GNAQ: variants seen among roughly 807,000 people sequenced by gnomAD.
GNAQ encodes the protein guanine nucleotide-binding protein G(q) subunit alpha.
In GNAQ, 8 loss-of-function variants were observed where a neutral mutation model predicts 43.9. The ratio of observed to expected loss-of-function variants is 0.18; its 90% CI spans 0.11 to 0.33. The LOEUF (loss-of-function observed/expected upper bound fraction) is 0.33. GNAQ is among the 10% of genes least tolerant of loss of function. The pLI is 1.00. For synonymous variants in GNAQ, 155 were observed against 170.7 expected (o/e 0.91, Z 0.71); for missense variants, 158 against 450.8 (o/e 0.35, Z 5.88).
At chr9:77,965,324 G>A (rs1180123361) in intron 1 of GNAQ, among the ~76,000 whole-genome samples, 2 of 151,724 alleles carry the variant, frequency 1.3e-5, no homozygotes, top group Non-Finnish European at 2.9e-5. Flanking sequence ...AATTAACTAC[G>A]ACCACCAGCC....
intron 5 of GNAQ, among the ~76,000 whole-genome samples, chr9:77,781,463 C>T (rs1270152818): frequency 2.0e-5 from 3 of 152,058 alleles, no homozygotes; most frequent in Non-Finnish European, 1.5e-5. Flanking sequence ...CAATTATCTA[C>T]AATTCCTTTA....
chr9:77,953,214 C>T (rs1010780804), intron 1 of GNAQ, among the ~76,000 whole-genome samples: 5 of 152,114 alleles, frequency 3.3e-5, no homozygotes, highest in African/African-American at 4.8e-5. Flanking sequence ...CTGAAAGGTG[C>T]CCTCAGCATA....
intron 2 of GNAQ, among the ~76,000 whole-genome samples, chr9:77,844,343 C>T (rs7025534): frequency 0.022 from 3,392 of 152,296 alleles, 124 homozygotes; most frequent in African/African-American, 0.077. Context: ...ACCCCATCCA[C>T]TCTGGGCCAT....
chr9:77,755,355 T>A lies in GNAQ; in HGVS notation c.736-26688A>T, dbSNP rs574074572. On this transcript the variant is annotated intron_variant, in intron 5 of 6. Transcript: ENST00000286548. ...GTTAAGTTTATTGTACATTTTAAGA[T>A]AACTAAAGGTATAATTGGAATCTTT... Among the ~76,000 whole-genome samples the A allele has an allele frequency of 4.3e-4, 66 of 152,312 alleles. 1 individual carries two copies. The highest frequency in any genetic ancestry group is 1.2e-4 in the Non-Finnish European group (8 of 68,032).
intron 6 of GNAQ, among the ~76,000 whole-genome samples, chr9:77,727,214 C>G (rs977248605): frequency 1.3e-5 from 2 of 151,546 alleles, no homozygotes; most frequent in Admixed American, 1.3e-4. Context: ...ATAGAGGTCT[C>G]GTTACATTGC....
chr9:77,995,382 A>G (rs754477027), intron 1 of GNAQ, among the ~76,000 whole-genome samples: 8 of 152,218 alleles, frequency 5.3e-5, no homozygotes, highest in South Asian at 2.1e-4. Flanking sequence ...AATTGGTACA[A>G]CTGGGGGTAG....
chr9:77,906,295 T>C (rs929671894), intron 2 of GNAQ, among the ~76,000 whole-genome samples: 1 of 152,214 alleles, frequency 6.6e-6, no homozygotes, highest in African/African-American at 2.4e-5. Flanking sequence ...AAATGTAGAT[T>C]AAAGTATCAC....
At chr9:77,789,702 G>A (rs1443806547) in intron 5 of GNAQ, among the ~76,000 whole-genome samples, 1 of 151,628 alleles carries the variant, frequency 6.6e-6, no homozygotes, top group Non-Finnish European at 1.5e-5. Flanking sequence ...TTCCACAATC[G>A]GCCTTTTTCA....
chr9:77,874,690 T>A (rs542324084), intron 2 of GNAQ, among the ~76,000 whole-genome samples: 1 of 152,124 alleles, frequency 6.6e-6, no homozygotes, highest in East Asian at 1.9e-4. Flanking sequence ...CATAGCGCGA[T>A]CATGGCTCAC....
intron 5 of GNAQ, among the ~76,000 whole-genome samples, chr9:77,728,917 C>T (rs1368101796): frequency 6.6e-6 from 1 of 152,066 alleles, no homozygotes; most frequent in Non-Finnish European, 1.5e-5. Context: ...ATAGCTCTTA[C>T]GGTTGAAAGA....
At chr9:77,890,420 G>A (rs907903374) in intron 2 of GNAQ, among the ~76,000 whole-genome samples, 3 of 152,120 alleles carry the variant, frequency 2.0e-5, no homozygotes, top group Non-Finnish European at 4.4e-5. Flanking sequence ...AATTAGAAAC[G>A]TGTCATAAAA....
intron 1 of GNAQ, among the ~76,000 whole-genome samples, chr9:77,971,612 T>G (rs559211791): frequency 6.6e-6 from 1 of 152,288 alleles, no homozygotes; most frequent in Admixed American, 6.5e-5. Context: ...ATAAACTAGG[T>G]ATCAATGGAA....
intron 5 of GNAQ, among the ~76,000 whole-genome samples, chr9:77,765,420 C>T (rs1464856800): frequency 6.6e-6 from 1 of 151,972 alleles, no homozygotes; most frequent in Non-Finnish European, 1.5e-5. Context: ...ATAACAAGAG[C>T]AACAACAAAA....
chr9:77,994,439 G>A (rs936599670), intron 1 of GNAQ, among the ~76,000 whole-genome samples: 1 of 152,310 alleles, frequency 6.6e-6, no homozygotes, highest in East Asian at 1.9e-4. Context: ...TTTGCTTTAT[G>A]AATCTGTTAC....
intron 1 of GNAQ, among the ~76,000 whole-genome samples, chr9:78,005,720 A>G (rs1320237442): frequency 1.3e-5 from 2 of 152,166 alleles, no homozygotes; most frequent in Non-Finnish European, 2.9e-5. Context: ...TCTAGCCCAG[A>G]GCACTCCACC....
intron 2 of GNAQ, among the ~76,000 whole-genome samples, chr9:77,851,563 TA>T: frequency 6.6e-6 from 1 of 152,338 alleles, no homozygotes; most frequent in East Asian, 1.9e-4. Context: ...TTAACCATTC[TA>T]AATGTTTTGC....
chr9:77,987,899 A>G (rs1328261766), intron 1 of GNAQ, among the ~76,000 whole-genome samples: 1 of 152,142 alleles, frequency 6.6e-6, no homozygotes, highest in African/African-American at 2.4e-5. Flanking sequence ...ACCTAGGAAG[A>G]AAAGAAGAAG....
intron 5 of GNAQ, among the ~76,000 whole-genome samples, chr9:77,789,926 C>T (rs879013370): frequency 6.8e-6 from 1 of 147,342 alleles, no homozygotes; most frequent in Admixed American, 6.8e-5. Flanking sequence ...GCAAGGAGAA[C>T]AAAGAGATGA....
chr9:77,914,609 C>G (rs1163013405), intron 2 of GNAQ, among the ~76,000 whole-genome samples: 1 of 152,002 alleles, frequency 6.6e-6, no homozygotes, highest in Non-Finnish European at 1.5e-5. Context: ...TTGCGGTGAG[C>G]CGAGATTGTG....
Sources: allele counts gnomAD v4.1 joint callset (sites outside exome capture counted in the v4.1 genomes callset), GRCh38; gene constraint gnomAD v4.1.1; transcripts MANE v1.5; gene names NCBI Gene and HGNC (gene_info 2026-07-23, HGNC 2026-07-21).